HIPK2: variants seen among roughly 807,000 people sequenced by gnomAD.
HIPK2 encodes the protein homeodomain interacting protein kinase 2.
HIPK2 carries 27 observed loss-of-function variants against 113.7 expected under a neutral mutation model. The observed-to-expected ratio is 0.24, with a 90% confidence interval of 0.17 to 0.33. HIPK2 has a LOEUF of 0.33. Ranked by LOEUF, HIPK2 falls within the 10% of genes least tolerant of loss-of-function variation. HIPK2 has a pLI of 1.00. For missense variants in HIPK2, 1,257 were observed against 1,588.0 expected (o/e 0.79, Z 3.54); for synonymous variants, 631 against 642.2 (o/e 0.98, Z 0.26).
chr7:139,688,233 C>G (rs138230872), intron 2 of HIPK2, among the ~76,000 whole-genome samples: 185 of 152,360 alleles, frequency 1.2e-3, no homozygotes, highest in African/African-American at 4.1e-3. Flanking sequence ...CCACGTGAAT[C>G]TGGAGCTGAT....
intron 2 of HIPK2, among the ~76,000 whole-genome samples, chr7:139,707,668 C>T (rs967011005): frequency 3.3e-5 from 5 of 152,212 alleles, no homozygotes; most frequent in African/African-American, 9.6e-5. Flanking sequence ...GCCGAGGGCA[C>T]TCCTACTCAC....
At chr7:139,583,013 G>A (rs1443205742) in intron 13 of HIPK2, among the ~76,000 whole-genome samples, 1 of 152,178 alleles carries the variant, frequency 6.6e-6, no homozygotes, top group Non-Finnish European at 1.5e-5. Flanking sequence ...CTCACATCTA[G>A]ACAAAAGCTT....
intron 5 of HIPK2, among the ~76,000 whole-genome samples, chr7:139,628,742 C>T (rs41274215): frequency 0.18 from 27,547 of 152,118 alleles, 3,480 homozygotes; most frequent in African/African-American, 0.36. Flanking sequence ...CCAACTGGAA[C>T]GATTTTAAAG....
chr7:139,769,511 AT>A, intron 1 of HIPK2, among the ~76,000 whole-genome samples: 1 of 152,358 alleles, frequency 6.6e-6, no homozygotes, highest in East Asian at 1.9e-4. Flanking sequence ...AACACTTACC[AT>A]TCTCATCTGC....
chr7:139,775,521 TA>T (rs1796724496), intron 1 of HIPK2, among the ~76,000 whole-genome samples: 1 of 151,638 alleles, frequency 6.6e-6, no homozygotes, highest in Non-Finnish European at 1.5e-5. Context: ...ACATCCGGAA[TA>T]AAAGGGTGCA....
Position 139,565,019 on chromosome 7 carries a change from G to A in HIPK2, c.*7908C>T, listed in dbSNP as rs1452257743. 6.6e-6 allele frequency: 1 copy of A among 152,048 alleles called. No homozygotes were observed. Among genetic ancestry groups the A allele is most frequent in the Non-Finnish European group, 1.5e-5 (1 of 68,012 alleles). 9.4% of individuals were successfully genotyped at this position (152,048 alleles called of 1,614,324 possible). ...TATTTTCAGAATTCACTTAAGCAAC[G>A]ATGACCGGGGGTATGAAGTAATCAT... On this transcript the variant is annotated 3_prime_UTR_variant, in exon 15 of 15. Transcript: ENST00000406875.
intron 2 of HIPK2, among the ~76,000 whole-genome samples, chr7:139,672,523 T>C (rs1802340868): frequency 6.6e-6 from 1 of 152,162 alleles, no homozygotes; most frequent in African/African-American, 2.4e-5. Flanking sequence ...TGGAGTGCAA[T>C]GGCGCGATCT....
intron 2 of HIPK2, among the ~76,000 whole-genome samples, chr7:139,663,537 A>G (rs923514537): frequency 6.6e-6 from 1 of 152,168 alleles, no homozygotes; most frequent in Non-Finnish European, 1.5e-5. Context: ...TTTTACTGGT[A>G]TTCTATGCCA....
At chr7:139,638,275 A>C (rs1291966892) in intron 2 of HIPK2, among the ~76,000 whole-genome samples, 1 of 152,044 alleles carries the variant, frequency 6.6e-6, no homozygotes, top group Non-Finnish European at 1.5e-5. Flanking sequence ...CCCACCCCTA[A>C]GGGTGCAGCC....
Position 139,571,418 on chromosome 7 carries a change from A to C in HIPK2, c.*1509T>G, listed in dbSNP as rs1351450668. 1.3e-5 allele frequency: 2 copies of C among 152,258 alleles called. No individual in the cohort carries two copies. Among genetic ancestry groups the C allele is most frequent in the East Asian group, 3.9e-4 (2 of 5,188 alleles). 9.4% of individuals were successfully genotyped at this position (152,258 alleles called of 1,614,324 possible). A position where few individuals can be genotyped will look rare whatever the true frequency, so the allele number is the denominator to read the frequency against. On this transcript the variant is annotated 3_prime_UTR_variant, in exon 15 of 15. Coordinates refer to ENST00000406875, the MANE Select transcript of HIPK2 (RefSeq NM_022740.5). Reference sequence around the variant, plus strand: ...TCACAAATGGCGGAACTGGGGACAGAGTGGGGCAGGGGTGAAGGGTGGGGA... The same window carrying C: ...TCACAAATGGCGGAACTGGGGACAGCGTGGGGCAGGGGTGAAGGGTGGGGA...
chr7:139,733,282 T>C (rs1298028472), intron 1 of HIPK2, among the ~76,000 whole-genome samples: 2 of 152,190 alleles, frequency 1.3e-5, no homozygotes, highest in Non-Finnish European at 2.9e-5. Flanking sequence ...AATGGACTAA[T>C]ACAGTCCTAA....
intron 2 of HIPK2, among the ~76,000 whole-genome samples, chr7:139,656,419 T>C (rs1010512449): frequency 6.6e-6 from 1 of 152,190 alleles, no homozygotes; most frequent in Non-Finnish European, 1.5e-5. Flanking sequence ...ATTTCTTGAG[T>C]TTCTGCCTTC....
chr7:139,631,819 A>T lies in HIPK2; in HGVS notation c.1104-94T>A, dbSNP rs1215028258. 7.0e-7 allele frequency: 1 copy of T among 1,435,778 alleles called. No homozygotes were observed. The highest frequency in any genetic ancestry group is 1.4e-5 in the African/African-American group (1 of 69,740). The allele number at this position is 1,435,778 out of a possible 1,614,324, so 88.9% of individuals were successfully genotyped here. ...TATCTTTCAAACCTGGGGTGCCATTACTGACTCCTCCTCTGAAGGGCCTGT... is the reference window on the plus strand; with the variant it reads ...TATCTTTCAAACCTGGGGTGCCATTTCTGACTCCTCCTCTGAAGGGCCTGT... On this transcript the variant is annotated intron_variant, in intron 2 of 14. Coordinates refer to ENST00000406875, the MANE Select transcript of HIPK2 (RefSeq NM_022740.5). The surrounding 1 kb of genome is among the most constrained non-coding windows in gnomAD (Gnocchi z 4.9).
chr7:139,676,955 G>C (rs987625985), intron 2 of HIPK2, among the ~76,000 whole-genome samples: 20 of 151,026 alleles, frequency 1.3e-4, no homozygotes, highest in Admixed American at 2.6e-4. Flanking sequence ...TCCGCCTCCT[G>C]GGTTCAAGTG....
At chr7:139,604,278 T>G in intron 9 of HIPK2, 55 bp from the exon 10 acceptor site, 1 of 1,558,566 alleles carries the variant, frequency 6.4e-7, no homozygotes. Flanking sequence ...ATAATTGATT[T>G]GCATGAACCC....
At chr7:139,734,472 G>A (rs1248006286) in intron 1 of HIPK2, among the ~76,000 whole-genome samples, 1 of 152,154 alleles carries the variant, frequency 6.6e-6, no homozygotes, top group Non-Finnish European at 1.5e-5. Context: ...GTGCCCCCAT[G>A]GGAGAATCAG....
intron 12 of HIPK2, among the ~76,000 whole-genome samples, chr7:139,588,485 C>T (rs1251207564): frequency 1.3e-5 from 2 of 149,024 alleles, no homozygotes; most frequent in African/African-American, 5.0e-5. Flanking sequence ...CACTACAATC[C>T]AGTCGGGGTG....
intron 2 of HIPK2, among the ~76,000 whole-genome samples, chr7:139,685,532 G>C (rs1028485115): frequency 4.6e-5 from 7 of 152,232 alleles, no homozygotes; most frequent in African/African-American, 1.7e-4. Context: ...TTCGTAGCTA[G>C]AGGGGAGAAG....
At chr7:139,621,925 GAAAAA>G (rs34446527) in intron 6 of HIPK2, among the ~76,000 whole-genome samples, 1 of 75,586 alleles carries the variant, frequency 1.3e-5, no homozygotes, top group Non-Finnish European at 2.9e-5. Flanking sequence ...CCTGTCTCAG[GAAAAA>G]AAAAAAAAAA....
Sources: allele counts gnomAD v4.1 joint callset (sites outside exome capture counted in the v4.1 genomes callset), GRCh38; gene constraint gnomAD v4.1.1; non-coding constraint Gnocchi (gnomAD v3.1); transcripts MANE v1.5; gene names NCBI Gene and HGNC (gene_info 2026-07-23, HGNC 2026-07-21).